The following ADAMTS3 variants were observed in gnomAD, a reference collection of about 807,000 sequenced individuals.
ADAMTS3 encodes A disintegrin and metalloproteinase with thrombospondin motifs 3.
ADAMTS3 carries 73 observed loss-of-function variants against 129.0 expected under a neutral mutation model. That is an observed-to-expected ratio of 0.57 (90% CI 0.47 to 0.69). ADAMTS3 has a LOEUF of 0.69. Among genes scored for constraint, ADAMTS3 ranks in the 30% least tolerant of loss-of-function variants. The pLI is 0.00. For missense variants in ADAMTS3, 1,457 were observed against 1,514.5 expected, an observed-to-expected ratio of 0.96 and a Z score of 0.63; for synonymous variants, 477 against 510.8, an observed-to-expected ratio of 0.93 and a Z score of 0.89.
At chr4:72,375,415 G>T (rs1231042506) in intron 4 of ADAMTS3, among the ~76,000 whole-genome samples, 1 of 152,138 alleles carries the variant, frequency 6.6e-6, no homozygotes, top group Non-Finnish European at 1.5e-5. Flanking sequence ...CAGGCTCCTG[G>T]CCCTTCAAGA....
In ADAMTS3 at chr4:72,479,032, C is replaced by T. The variant is rs181093725; in HGVS notation, c.505-64061G>A. 2.0e-3 allele frequency among the ~76,000 whole-genome samples: 306 copies of T among 151,772 alleles called. 1 individual carries two copies. The highest frequency in any genetic ancestry group is 6.9e-3 in the African/African-American group (283 of 41,246). On this transcript the variant is annotated intron_variant, in intron 3 of 21. Coordinates refer to ENST00000286657, the MANE Select transcript of ADAMTS3 (RefSeq NM_014243.3). Reference sequence around the variant, plus strand: ...AGGAGAACTACAAACCACTGCTCAACGAAATAAAAGAGGATACAAACAAAT... The same window carrying T: ...AGGAGAACTACAAACCACTGCTCAATGAAATAAAAGAGGATACAAACAAAT...
intron 17 of ADAMTS3, among the ~76,000 whole-genome samples, chr4:72,301,234 A>AC (rs1718942704): frequency 6.6e-6 from 1 of 152,100 alleles, no homozygotes; most frequent in Non-Finnish European, 1.5e-5. Context: ...GACAAAAAAA[A>AC]ATTTCATAAC....
intron 21 of ADAMTS3, among the ~76,000 whole-genome samples, chr4:72,287,634 C>G (rs148618188): frequency 2.2e-4 from 34 of 151,796 alleles, no homozygotes; most frequent in Non-Finnish European, 4.6e-4. Flanking sequence ...AGTAAGGCCT[C>G]GAAAAAGCAT....
chr4:72,335,876 A>G (rs1039871835), intron 5 of ADAMTS3, among the ~76,000 whole-genome samples: 1 of 152,106 alleles, frequency 6.6e-6, no homozygotes, highest in African/African-American at 2.4e-5. Flanking sequence ...TTCGTGATCT[A>G]CCTCTACATT....
chr4:72,373,910 AT>A (rs1397719700), intron 4 of ADAMTS3, among the ~76,000 whole-genome samples: 2 of 7,842 alleles, frequency 2.6e-4, no homozygotes, highest in Non-Finnish European at 9.9e-3. Context: ...AATAATAATA[AT>A]AATAATAATA....
intron 4 of ADAMTS3, among the ~76,000 whole-genome samples, chr4:72,389,030 C>G (rs1721517269): frequency 6.6e-6 from 1 of 152,184 alleles, no homozygotes; most frequent in Non-Finnish European, 1.5e-5. Flanking sequence ...CGGCCTAGCA[C>G]AAACCAAAAT....
intron 3 of ADAMTS3, among the ~76,000 whole-genome samples, chr4:72,541,631 T>C (rs931264020): frequency 3.9e-5 from 6 of 152,160 alleles, no homozygotes; most frequent in Non-Finnish European, 5.9e-5. Flanking sequence ...TGAGAGGTAA[T>C]TGAATCATGG....
At chr4:72,515,963 G>T (rs1228405993) in intron 3 of ADAMTS3, among the ~76,000 whole-genome samples, 1 of 152,132 alleles carries the variant, frequency 6.6e-6, no homozygotes, top group African/African-American at 2.4e-5. Flanking sequence ...GGTTTTTATG[G>T]TTTTAGGTCT....
At chr4:72,357,179 G>T (rs1189572779) in intron 4 of ADAMTS3, among the ~76,000 whole-genome samples, 1 of 151,888 alleles carries the variant, frequency 6.6e-6, no homozygotes, top group Non-Finnish European at 1.5e-5. Context: ...GAATGTGTAT[G>T]GAGATGCTCC....
rs773962394 is a variant in ADAMTS3 at position 72,339,712 on chromosome 4, A to G, written c.662-19T>C. ...TCCGACTCTAATAAGAGACAAAAGG[A>G]ACCAGGAATTTCAGTTTCCCTAACA... On this transcript the variant is annotated intron_variant, in intron 4 of 21. Coordinates refer to ENST00000286657, the MANE Select transcript of ADAMTS3 (RefSeq NM_014243.3). 1 of 1,608,152 alleles carries G rather than the reference A, an allele frequency of 6.2e-7. No homozygotes were observed. Among genetic ancestry groups the G allele is most frequent in the Non-Finnish European group, 8.5e-7 (1 of 1,175,708 alleles).
chr4:72,469,699 C>T (rs1719013207), intron 3 of ADAMTS3, among the ~76,000 whole-genome samples: 2 of 152,164 alleles, frequency 1.3e-5, no homozygotes, highest in African/African-American at 4.8e-5. Context: ...GACAGCAAGA[C>T]CAACCCCTCC....
chr4:72,464,349 T>C (rs1474112384), intron 3 of ADAMTS3, among the ~76,000 whole-genome samples: 7 of 152,064 alleles, frequency 4.6e-5, no homozygotes. Flanking sequence ...TCTGTTTCTC[T>C]AGCCTAGTGG....
At chr4:72,530,072 C>A (rs552435898) in intron 3 of ADAMTS3, among the ~76,000 whole-genome samples, 61 of 2,240 alleles carry the variant, frequency 0.027, 26 homozygotes, top group African/African-American at 0.048. Context: ...TTATATATAA[C>A]ATATTATATT....
intron 4 of ADAMTS3, among the ~76,000 whole-genome samples, 165 bp downstream of exon 4, chr4:72,414,650 T>C (rs534210673): frequency 3.3e-5 from 5 of 152,166 alleles, no homozygotes; most frequent in African/African-American, 1.2e-4. Context: ...CTATGCATTT[T>C]TTAAAAAGCA....
At chr4:72,493,903 T>C (rs568185907) in intron 3 of ADAMTS3, among the ~76,000 whole-genome samples, 1 of 152,210 alleles carries the variant, frequency 6.6e-6, no homozygotes, top group South Asian at 2.1e-4. Flanking sequence ...ATCATACAAA[T>C]CACTCCTGGA....
chr4:72,419,278 ATC>A (rs1722383938), intron 3 of ADAMTS3, among the ~76,000 whole-genome samples: 1 of 152,210 alleles, frequency 6.6e-6, no homozygotes, highest in Non-Finnish European at 1.5e-5. Context: ...AGGCACATAT[ATC>A]TAGCTTAGCT....
chr4:72,441,425 GTTGT>G (rs1173885955), intron 3 of ADAMTS3, among the ~76,000 whole-genome samples: 1 of 151,870 alleles, frequency 6.6e-6, no homozygotes, highest in Admixed American at 6.6e-5. Context: ...TGGGATACAA[GTTGT>G]TTGTCATGTA....
In ADAMTS3 at chr4:72,282,355, T is replaced by A. The variant is rs1440746743; in HGVS notation, c.*781A>T. 2.6e-5 allele frequency: 4 copies of A among 152,202 alleles called. No individual in the cohort carries two copies. Among genetic ancestry groups the A allele is most frequent in the African/African-American group, 9.6e-5 (4 of 41,458 alleles). The allele number at this position is 152,202 out of a possible 1,614,324, so 9.4% of individuals were successfully genotyped here. A position where few individuals can be genotyped will look rare whatever the true frequency, so the allele number is the denominator to read the frequency against. On this transcript the variant is annotated 3_prime_UTR_variant, in exon 22 of 22. Transcript: ENST00000286657. Reference sequence around the variant, plus strand: ...CACAAGTGTACTAAGACACCAATCCTTTAAATTATAAGTATAGAAGGCAAT... The same window carrying A: ...CACAAGTGTACTAAGACACCAATCCATTAAATTATAAGTATAGAAGGCAAT...
At chr4:72,535,375 T>A (rs1721159334) in intron 3 of ADAMTS3, among the ~76,000 whole-genome samples, 1 of 152,202 alleles carries the variant, frequency 6.6e-6, no homozygotes, top group South Asian at 2.1e-4. Flanking sequence ...TCTCTCAGGC[T>A]TCGTACGATC....
Sources: gnomAD v4.1 joint callset for allele counts (sites outside exome capture counted in the v4.1 genomes callset) on GRCh38, gnomAD v4.1.1 for gene constraint, MANE v1.5 for transcripts, NCBI Gene and HGNC (gene_info 2026-07-23, HGNC 2026-07-21) for gene names.